Variants in NUP58 observed in about 807,000 individuals in gnomAD.
NUP58 encodes nucleoporin 58, also known as nucleoporin p58/p45.
Under a neutral mutation model 70.1 loss-of-function variants are expected in NUP58, and 17 were observed. That is an observed-to-expected ratio of 0.24 (90% CI 0.17 to 0.36). The LOEUF (loss-of-function observed/expected upper bound fraction) is 0.36. NUP58 is among the 10% of genes least tolerant of loss of function. NUP58 has a pLI of 1.00. For missense variants in NUP58, 644 were observed against 701.5 expected, an observed-to-expected ratio of 0.92 and a Z score of 0.93; for synonymous variants, 275 against 257.6, an observed-to-expected ratio of 1.07 and a Z score of -0.65.
chr13:25,324,944 C>CT lies in NUP58; in HGVS notation c.952-43dup, dbSNP rs771707237. On this transcript the variant is annotated intron_variant, in intron 9 of 15. Coordinates refer to ENST00000381736, the MANE Select transcript of NUP58 (RefSeq NM_014089.4). ...TTCGTACGGTATTTTTAACATAACT[C>CT]TTAACTGGCTTTTTTTTTTTTTTTT... 3 of 1,253,936 alleles carry CT rather than the reference C, an allele frequency of 2.4e-6. No homozygotes were observed. In the South Asian group the frequency reaches 3.9e-5, roughly 16 times the overall value. The allele number at this position is 1,253,936 out of a possible 1,614,324, so 77.7% of individuals were successfully genotyped here.
At chr13:25,325,649 T>G (rs2031366312) in intron 10 of NUP58, among the ~76,000 whole-genome samples, 1 of 152,210 alleles carries the variant, frequency 6.6e-6, no homozygotes, top group African/African-American at 2.4e-5. Context: ...TAGCTGTTGT[T>G]ATTCCAGTTT....
intron 1 of NUP58, among the ~76,000 whole-genome samples, chr13:25,302,587 T>C (rs9511751): frequency 6.6e-6 from 1 of 152,234 alleles, no homozygotes; most frequent in South Asian, 2.1e-4. Flanking sequence ...AAAACATAAC[T>C]ATCCAGAAAG....
intron 1 of NUP58, among the ~76,000 whole-genome samples, chr13:25,306,983 AAT>A: frequency 6.6e-6 from 1 of 152,114 alleles, no homozygotes; most frequent in Non-Finnish European, 1.5e-5. Context: ...TTGGTGGTAA[AAT>A]ACCTAAGTCT....
rs142209348 is a variant in NUP58, at chr13:25,318,801, T to C, written c.686-525T>C. ...TGGCAGATGGGAAGATAAATTGTGA[T>C]AGTTGTTTTAAGGGATTGTCAGATT... is the stretch of plus-strand genomic sequence containing the variant. On this transcript the variant is annotated intron_variant, in intron 6 of 15. Coordinates refer to ENST00000381736, the MANE Select transcript of NUP58 (RefSeq NM_014089.4). 7.4e-3 allele frequency among the ~76,000 whole-genome samples: 1,121 copies of C among 152,288 alleles called. 17 individuals are homozygous for C. The highest frequency in any genetic ancestry group is 0.025 in the African/African-American group (1,024 of 41,570).
Position 25,327,411 on chromosome 13 carries a change from A to C in NUP58, c.1151-19A>C. On this transcript the variant is annotated intron_variant, in intron 11 of 15. Coordinates refer to ENST00000381736, the MANE Select transcript of NUP58 (RefSeq NM_014089.4). ...TATATATGTATATATTTGGGTGATA[A>C]TGTAATTTTCTTTTATAGATTTGTC... 1 of 1,488,960 alleles carries C rather than the reference A, an allele frequency of 6.7e-7. No individual in the cohort carries two copies. Among genetic ancestry groups the C allele is most frequent in the Non-Finnish European group, 9.3e-7 (1 of 1,070,624 alleles). The allele number at this position is 1,488,960 out of a possible 1,614,324, so 92.2% of individuals were successfully genotyped here. A position where few individuals can be genotyped will look rare whatever the true frequency, so the allele number is the denominator to read the frequency against.
At chr13:25,321,230 A>G (rs943398875) in intron 9 of NUP58, 137 bp downstream of exon 9, 1 of 664,846 alleles carries the variant, frequency 1.5e-6, no homozygotes, top group Non-Finnish European at 2.5e-6. Context: ...CAGATAACTC[A>G]TATACTTTAA....
At chr13:25,310,917 G>A (rs1349984563) in intron 3 of NUP58, among the ~76,000 whole-genome samples, 1 of 152,166 alleles carries the variant, frequency 6.6e-6, no homozygotes, top group Non-Finnish European at 1.5e-5. Flanking sequence ...CTGCTGGTGA[G>A]GATGGTCCTT....
At chr13:25,335,039 G>T in intron 13 of NUP58, 1 of 985,244 alleles carries the variant, frequency 1.0e-6, no homozygotes, top group Non-Finnish European at 1.2e-6. Flanking sequence ...GGTGGCCAGA[G>T]TGTAATATAT....
chr13:25,315,600 A>T, intron 6 of NUP58, 133 bp downstream of exon 6: 1 of 620,568 alleles, frequency 1.6e-6, no homozygotes, highest in South Asian at 2.1e-5. Flanking sequence ...TAATGTGTAT[A>T]CGAATATGTA....
At chr13:25,316,576 T>A (rs931648996) in intron 6 of NUP58, among the ~76,000 whole-genome samples, 6 of 152,192 alleles carry the variant, frequency 3.9e-5, no homozygotes, top group Non-Finnish European at 7.4e-5. Context: ...CAGTGAAAAT[T>A]GACAAATTTC....
At chr13:25,343,965 T>C (rs2032018262), downstream of NUP58, among the ~76,000 whole-genome samples, 1 of 151,986 alleles carries the variant, frequency 6.6e-6, no homozygotes, top group Non-Finnish European at 1.5e-5. Context: ...AAAAGTCATA[T>C]AAATTGTGTG....
intron 13 of NUP58, chr13:25,335,757 C>T (rs2031758101): frequency 5.1e-6 from 5 of 983,290 alleles, no homozygotes; most frequent in Non-Finnish European, 6.0e-6. Flanking sequence ...AATATACAAA[C>T]CTCATTCTTC....
intron 14 of NUP58, among the ~76,000 whole-genome samples, chr13:25,337,450 A>T (rs886318189): frequency 6.6e-6 from 1 of 152,150 alleles, no homozygotes; most frequent in African/African-American, 2.4e-5. Flanking sequence ...ACTTAGGGAA[A>T]TTATTATGAA....
intron 12 of NUP58, among the ~76,000 whole-genome samples, chr13:25,329,807 T>G (rs1424244361): frequency 6.6e-6 from 1 of 152,100 alleles, no homozygotes; most frequent in Non-Finnish European, 1.5e-5. Flanking sequence ...GTCAAGGTTT[T>G]TGTTTGTTTG....
At position 25,309,562 on chromosome 13, in the gene NUP58, G is replaced by C. The variant is rs554539691; in HGVS notation, c.286+280G>C. ...TTTCATATTACTTTTTTAGTCATTTGACTCCAGTTAGTGGAAAAAACACCA... is the reference window on the plus strand; with the variant it reads ...TTTCATATTACTTTTTTAGTCATTTCACTCCAGTTAGTGGAAAAAACACCA... On this transcript the variant is annotated intron_variant, in intron 3 of 15. Coordinates refer to ENST00000381736, the MANE Select transcript of NUP58 (RefSeq NM_014089.4). 4.0e-5 allele frequency: 13 copies of C among 322,620 alleles called. No individual in the cohort carries two copies. The South Asian group carries it at 6.8e-4, about 17-fold the overall frequency. The allele number at this position is 322,620 out of a possible 1,614,324, so 20.0% of individuals were successfully genotyped here.
At chr13:25,333,174 G>A in intron 13 of NUP58, 1 of 985,196 alleles carries the variant, frequency 1.0e-6, no homozygotes, top group Non-Finnish European at 1.2e-6. Context: ...ATTATTTTGA[G>A]AAATTCATAG....
intron 12 of NUP58, among the ~76,000 whole-genome samples, chr13:25,328,884 G>A (rs1243742129): frequency 6.6e-6 from 1 of 152,144 alleles, no homozygotes; most frequent in Non-Finnish European, 1.5e-5. Context: ...ATTATCAACT[G>A]TGTAGAATAG....
At chr13:25,332,127 C>T (rs983020500) in intron 13 of NUP58, 8 of 989,606 alleles carry the variant, frequency 8.1e-6, no homozygotes, top group Non-Finnish European at 8.4e-6. Flanking sequence ...ATGATACATG[C>T]TAGAATTGTA....
At chr13:25,309,136 G>C (rs1340786330) in intron 2 of NUP58, 111 bp from the exon 3 acceptor site, 1 of 761,542 alleles carries the variant, frequency 1.3e-6, no homozygotes, top group Non-Finnish European at 2.3e-6. Context: ...GTTCTAATTA[G>C]AAGTGTTGTC....
Sources: gnomAD v4.1 joint callset for allele counts (sites outside exome capture counted in the v4.1 genomes callset) on GRCh38, gnomAD v4.1.1 for gene constraint, MANE v1.5 for transcripts, NCBI Gene and HGNC (gene_info 2026-07-23, HGNC 2026-07-21) for gene names.